OR14I1: variants seen among roughly 807,000 people sequenced by gnomAD.
OR14I1 encodes olfactory receptor 14I1.
For missense variants in OR14I1, 279 were observed against 181.8 expected (o/e 1.53, Z -3.07); for synonymous variants, 118 against 71.1 (o/e 1.66, Z -3.32).
At chr1:248,678,650 A>C (rs1306016361), downstream of OR14I1, among the ~76,000 whole-genome samples, 2 of 152,240 alleles carry the variant, frequency 1.3e-5, no homozygotes, top group Non-Finnish European at 2.9e-5. Flanking sequence ...ATTTCAGGTT[A>C]CCTACAAAGC....
chr1:248,701,765 C>T, the OR14I1 span, among the ~76,000 whole-genome samples: 1 of 152,248 alleles, frequency 6.6e-6, no homozygotes, highest in African/African-American at 2.4e-5. Flanking sequence ...CCCCTTGCTC[C>T]CCTGCACCCC....
the OR14I1 span, among the ~76,000 whole-genome samples, chr1:248,690,907 C>A: frequency 6.6e-6 from 1 of 152,196 alleles, no homozygotes; most frequent in Non-Finnish European, 1.5e-5. Flanking sequence ...ATCAAGTAGG[C>A]TTCATCCCTG....
the OR14I1 span, among the ~76,000 whole-genome samples, chr1:248,689,600 C>CG: frequency 1.3e-5 from 2 of 151,768 alleles, no homozygotes; most frequent in Non-Finnish European, 2.9e-5. Flanking sequence ...TTCCTTGTTC[C>CG]GGGGGGCCAC....
the OR14I1 span, among the ~76,000 whole-genome samples, chr1:248,687,616 T>A: frequency 3.3e-5 from 5 of 152,244 alleles, no homozygotes; most frequent in African/African-American, 9.6e-5. Context: ...TAAGACAAAT[T>A]AAACTTAGCA....
chr1:248,682,935 C>T (rs1661589479), upstream of OR14I1, among the ~76,000 whole-genome samples: 2 of 152,222 alleles, frequency 1.3e-5, no homozygotes, highest in South Asian at 4.1e-4. Context: ...ATGTGCAAGA[C>T]ATGACAATAG....
exon 1 of OR14I1, chr1:248,682,064 G>A (rs376589225): frequency 2.4e-5 from 19 of 780,964 alleles, no homozygotes; most frequent in Middle Eastern, 4.5e-4. Context: ...AGGGAGTTAC[G>A]GATGGATTTA....
At chr1:248,680,552 C>T (rs563926911), downstream of OR14I1, among the ~76,000 whole-genome samples, 2 of 152,182 alleles carry the variant, frequency 1.3e-5, no homozygotes, top group Non-Finnish European at 2.9e-5. Flanking sequence ...AGCCCATGTG[C>T]CAAGGGACTC....
chr1:248,686,329 C>T (rs1015025291), upstream of OR14I1, among the ~76,000 whole-genome samples: 1 of 152,176 alleles, frequency 6.6e-6, no homozygotes, highest in African/African-American at 2.4e-5. Flanking sequence ...GCCTCTGCTG[C>T]CCCACCTCTG....
chr1:248,682,389 G>T, upstream of OR14I1: 3 of 624,566 alleles, frequency 4.8e-6, no homozygotes, highest in South Asian at 5.9e-5. Context: ...AGTGTGGTAG[G>T]AGTAATATCC....
chr1:248,693,980 A>C, the OR14I1 span, among the ~76,000 whole-genome samples: 1 of 151,912 alleles, frequency 6.6e-6, no homozygotes, highest in African/African-American at 2.4e-5. Flanking sequence ...AGGAAGACCT[A>C]TCAGTCTGCA....
the OR14I1 span, chr1:248,698,730 G>A: frequency 6.6e-6 from 1 of 152,210 alleles, no homozygotes; most frequent in Non-Finnish European, 1.5e-5. Context: ...GCTGCAGAGA[G>A]CCCTGTCAGA....
the OR14I1 span, among the ~76,000 whole-genome samples, chr1:248,693,540 G>A: frequency 4.1e-3 from 623 of 152,276 alleles, 5 homozygotes; most frequent in East Asian, 0.031. Context: ...CATAAAATTA[G>A]TTTTTTCTTG....
downstream of OR14I1, among the ~76,000 whole-genome samples, chr1:248,680,548 T>C (rs1661540089): frequency 6.6e-6 from 1 of 152,228 alleles, no homozygotes. Context: ...AGACAGCCCA[T>C]GTGCCAAGGG....
upstream of OR14I1, among the ~76,000 whole-genome samples, chr1:248,687,310 T>C (rs145661616): frequency 6.6e-6 from 1 of 152,368 alleles, no homozygotes; most frequent in African/African-American, 2.4e-5. Flanking sequence ...GTATGCCACA[T>C]GAGAGCAGTT....
upstream of OR14I1, among the ~76,000 whole-genome samples, chr1:248,683,609 T>C (rs1442260351): frequency 1.3e-5 from 2 of 152,270 alleles, no homozygotes. Flanking sequence ...ATGTGAAATG[T>C]TATTTTTTAT....
chr1:248,681,638 C>T, exon 1 of OR14I1: 1 of 780,924 alleles, frequency 1.3e-6, no homozygotes. Context: ...ATTCTGAGCA[C>T]CGTTGAGAAG....
At chr1:248,680,552 C>G (rs563926911), downstream of OR14I1, among the ~76,000 whole-genome samples, 2 of 152,300 alleles carry the variant, frequency 1.3e-5, no homozygotes, top group South Asian at 2.1e-4. Flanking sequence ...AGCCCATGTG[C>G]CAAGGGACTC....
upstream of OR14I1, among the ~76,000 whole-genome samples, chr1:248,686,568 T>C (rs983604736): frequency 2.0e-5 from 3 of 149,484 alleles, no homozygotes; most frequent in African/African-American, 7.3e-5. Flanking sequence ...GCAAACTGAA[T>C]GCACTATTTT....
chr1:248,697,870 G>A, the OR14I1 span, among the ~76,000 whole-genome samples: 2 of 152,148 alleles, frequency 1.3e-5, no homozygotes, highest in South Asian at 4.1e-4. Context: ...TAAGAGCTCT[G>A]GAGAGAGGCA....
Sources: gnomAD v4.1 joint callset for allele counts (sites outside exome capture counted in the v4.1 genomes callset) on GRCh38, gnomAD v4.1.1 for gene constraint, MANE v1.5 for transcripts, NCBI Gene and HGNC (gene_info 2026-07-23, HGNC 2026-07-21) for gene names.